Variants in RBFA observed in about 807,000 individuals in gnomAD.
RBFA encodes ribosome binding factor A, also known as putative ribosome-binding factor A, mitochondrial.
In RBFA, 16 loss-of-function variants were observed where a neutral mutation model predicts 27.9. The observed-to-expected ratio is 0.57, with a 90% confidence interval of 0.39 to 0.87. RBFA has a LOEUF of 0.87. Among genes scored for constraint, RBFA ranks in the 40% least tolerant of loss-of-function variants. RBFA has a pLI of 0.00. For missense variants in RBFA, 456 were observed against 432.1 expected, an observed-to-expected ratio of 1.06 and a Z score of -0.49; for synonymous variants, 181 against 181.0, an observed-to-expected ratio of 1.00 and a Z score of 0.00.
chr18:80,034,455 C>G lies in RBFA; in HGVS notation c.-41C>G, dbSNP rs768111346. 39 of 1,446,956 alleles carry G rather than the reference C, an allele frequency of 2.7e-5. No homozygotes were observed. Among genetic ancestry groups the G allele is most frequent in the African/African-American group, 4.5e-5 (3 of 66,748 alleles). 89.6% of individuals were successfully genotyped at this position (1,446,956 alleles called of 1,614,324 possible). Reference sequence around the variant, plus strand: ...CGTCAGTTGTCGCTCCGCGCCTGCGCCCGTTGTCTCCCTGCTCGCTCCGGG... The same window carrying G: ...CGTCAGTTGTCGCTCCGCGCCTGCGGCCGTTGTCTCCCTGCTCGCTCCGGG... On this transcript the variant is annotated 5_prime_UTR_variant, in exon 1 of 7. Coordinates refer to ENST00000306735, the MANE Select transcript of RBFA (RefSeq NM_024805.3).
chr18:80,036,637 C>T (rs377765019), intron 1 of RBFA, 31 bp from the exon 2 acceptor site: 3 of 1,582,746 alleles, frequency 1.9e-6, no homozygotes, highest in African/African-American at 2.7e-5. Flanking sequence ...ACTTTGCCAT[C>T]ACTAACATAA....
At position 80,048,661 on chromosome 18, in the gene RBFA, T is replaced by G. The variant is rs1015095655; in HGVS notation, c.*2506T>G. ...CTCCACGCCTGTGCCGGATGTGGTG[T>G]TGGCATCCATAGCAGTCTCGCAAAG... On this transcript the variant is annotated 3_prime_UTR_variant, in exon 7 of 7. Transcript: ENST00000306735. 1.3e-5 allele frequency among the ~76,000 whole-genome samples: 2 copies of G among 152,222 alleles called. No homozygotes were observed. The highest frequency in any genetic ancestry group is 2.9e-5 in the Non-Finnish European group (2 of 68,040).
intron 6 of RBFA, 83 bp downstream of exon 6, chr18:80,044,368 C>G (rs373007705): frequency 5.0e-6 from 6 of 1,205,332 alleles, no homozygotes; most frequent in Non-Finnish European, 4.9e-6. Flanking sequence ...AGCTGCCCAG[C>G]GCCACATCCC....
intron 3 of RBFA, among the ~76,000 whole-genome samples, chr18:80,037,814 A>G (rs540573994): frequency 2.3e-4 from 35 of 151,508 alleles, no homozygotes; most frequent in African/African-American, 7.0e-4. Context: ...GCTTGAACCC[A>G]GGAGGCGGAG....
rs1407155846 is a variant in RBFA, at chr18:80,047,533, A to G, written c.*1378A>G. 3 of 152,156 alleles carry G rather than the reference A, an allele frequency of 2.0e-5. No homozygotes were observed. Among genetic ancestry groups the G allele is most frequent in the Non-Finnish European group, 4.4e-5 (3 of 68,032 alleles). 9.4% of individuals were successfully genotyped at this position (152,156 alleles called of 1,614,324 possible). A position where few individuals can be genotyped will look rare whatever the true frequency, so the allele number is the denominator to read the frequency against. On this transcript the variant is annotated 3_prime_UTR_variant, in exon 7 of 7. Coordinates refer to ENST00000306735, the MANE Select transcript of RBFA (RefSeq NM_024805.3). ...TAAGTCATCAAATGGCAGAAGCAAG[A>G]TTTTTCTTTTGAGATCTAGGAAATT... is the stretch of plus-strand genomic sequence containing the variant.
At chr18:80,038,440 G>C in intron 3 of RBFA, 65 bp from the exon 4 acceptor site, 1 of 1,135,350 alleles carries the variant, frequency 8.8e-7, no homozygotes, top group Non-Finnish European at 1.3e-6. Context: ...TTCATCTCCT[G>C]GATGTTGTTT....
chr18:80,035,199 T>A (rs2051968783), intron 1 of RBFA: 1 of 153,240 alleles, frequency 6.5e-6, no homozygotes, highest in African/African-American at 2.4e-5. Context: ...GGCACCCAGC[T>A]CCCCCTGTGT....
chr18:80,047,983 T>C lies in RBFA; in HGVS notation c.*1828T>C, dbSNP rs571734181. 2 of 152,366 alleles carry C rather than the reference T, an allele frequency of 1.3e-5. No homozygotes were observed. The highest frequency in any genetic ancestry group is 3.9e-4 in the East Asian group (2 of 5,192). The allele number at this position is 152,366 out of a possible 1,614,324, so 9.4% of individuals were successfully genotyped here. On this transcript the variant is annotated 3_prime_UTR_variant, in exon 7 of 7. Coordinates refer to ENST00000306735, the MANE Select transcript of RBFA (RefSeq NM_024805.3). ...GCTGAGGTCAGGCCAAGGCCTTTTGTATCTGGTGTTACTGGAACATGGCTA... is the reference window on the plus strand; with the variant it reads ...GCTGAGGTCAGGCCAAGGCCTTTTGCATCTGGTGTTACTGGAACATGGCTA...
At position 80,046,107 on chromosome 18, in the gene RBFA, A is replaced by T. The variant is rs760282860; in HGVS notation, c.984A>T (p.Gly328=). Residue 328 remains glycine (G), a synonymous_variant, in exon 7 of 7, where the codon GGA becomes GGT. Coordinates refer to ENST00000306735, the MANE Select transcript of RBFA (RefSeq NM_024805.3). Reference sequence around the variant, plus strand: ...CAGAGGAGTTGGAGGCAGAGAGAGGAGGTGGCAGAACAGAGGATGGCCACA... The same window carrying T: ...CAGAGGAGTTGGAGGCAGAGAGAGGTGGTGGCAGAACAGAGGATGGCCACA... ...PDTEELEAER[G]GGRTEDGHSC... is the part of the protein sequence containing the mutation. 1.9e-6 allele frequency: 3 copies of T among 1,614,120 alleles called. No individual in the cohort carries two copies. The highest frequency in any genetic ancestry group is 1.7e-6 in the Non-Finnish European group (2 of 1,180,026).
In RBFA at chr18:80,050,378, T is replaced by TG. The variant is rs1460805563; in HGVS notation, c.*4224dup. ...TTAATTATCATGGGCACAGAGTAGG[T>TG]GTATATATTTGTGGGGTACATGAGA... On this transcript the variant is annotated 3_prime_UTR_variant, in exon 7 of 7. Coordinates refer to ENST00000306735, the MANE Select transcript of RBFA (RefSeq NM_024805.3). Among the ~76,000 whole-genome samples, 1 of 152,110 alleles carries TG rather than the reference T, an allele frequency of 6.6e-6. No homozygotes were observed.
rs1040933943 is a variant in RBFA at position 80,050,004 on chromosome 18, C to T, written c.*3849C>T. On this transcript the variant is annotated 3_prime_UTR_variant, in exon 7 of 7. Transcript: ENST00000306735. Reference sequence around the variant, plus strand: ...TATTATCTTTAGTACAGAATCTTTTCCTCTCTAAGGGCCTGAGACCCTCTC... The same window carrying T: ...TATTATCTTTAGTACAGAATCTTTTTCTCTCTAAGGGCCTGAGACCCTCTC... 2.0e-5 allele frequency among the ~76,000 whole-genome samples: 3 copies of T among 152,226 alleles called. No homozygotes were observed. The highest frequency in any genetic ancestry group is 2.9e-5 in the Non-Finnish European group (2 of 68,052).
In RBFA at chr18:80,048,650, C is replaced by T. The variant is rs373809332; in HGVS notation, c.*2495C>T. Among the ~76,000 whole-genome samples, 40 of 152,318 alleles carry T rather than the reference C, an allele frequency of 2.6e-4. No individual in the cohort carries two copies. The highest frequency in any genetic ancestry group is 3.4e-3 in the Middle Eastern group (1 of 294). On this transcript the variant is annotated 3_prime_UTR_variant, in exon 7 of 7. Transcript: ENST00000306735. Reference sequence around the variant, plus strand: ...GCTGCCCAGACCTCCACGCCTGTGCCGGATGTGGTGTTGGCATCCATAGCA... The same window carrying T: ...GCTGCCCAGACCTCCACGCCTGTGCTGGATGTGGTGTTGGCATCCATAGCA...
At chr18:80,036,970 G>A (rs1449184184) in intron 2 of RBFA, among the ~76,000 whole-genome samples, 2 of 152,200 alleles carry the variant, frequency 1.3e-5, no homozygotes, top group African/African-American at 2.4e-5. Context: ...TGTGTGTACT[G>A]TAAAAGTTTA....
chr18:80,044,754 CACAT>C (rs2052039352), intron 6 of RBFA, among the ~76,000 whole-genome samples: 3 of 152,356 alleles, frequency 2.0e-5, no homozygotes, highest in Admixed American at 2.0e-4. Flanking sequence ...CATGTACACA[CACAT>C]ACACATCTTT....
Position 80,044,249 on chromosome 18 carries a change from G to A in RBFA, c.614G>A (p.Arg205Gln), listed in dbSNP as rs750196990. Residue 205 changes from arginine (R) to glutamine (Q), a missense_variant, in exon 6 of 7, where the codon CGG (arginine) becomes CAG (glutamine). Physicochemically the swap from Arg to Gln is conservative, Grantham distance 43 (BLOSUM62 1). Transcript: ENST00000306735. ...QLLAVADFGP[R>Q]DERDNFVQND... ...CTGGCAGTCGCAGACTTTGGACCCC[G>A]GGATGAAAGAGACAACTTTGTACAA... 41 of 1,614,056 alleles carry A rather than the reference G, an allele frequency of 2.5e-5. No homozygotes were observed. The highest frequency in any genetic ancestry group is 3.2e-5 in the Non-Finnish European group (38 of 1,180,018).
rs1475203544 is a variant in RBFA, at chr18:80,038,485, G to A, written c.379-20G>A. ...ACCCATGTAAGCTAAAAAGTGACCTGTGGAGGGGCGGGGTCTCAGGTTTCC... is the reference window on the plus strand; with the variant it reads ...ACCCATGTAAGCTAAAAAGTGACCTATGGAGGGGCGGGGTCTCAGGTTTCC... On this transcript the variant is annotated intron_variant, in intron 3 of 6. Transcript: ENST00000306735. 6.4e-7 allele frequency: 1 copy of A among 1,558,320 alleles called. No homozygotes were observed. The highest frequency in any genetic ancestry group is 1.1e-5 in the South Asian group (1 of 88,326).
chr18:80,035,858 C>G (rs2051975203), intron 1 of RBFA: 1 of 152,204 alleles, frequency 6.6e-6, no homozygotes, highest in Admixed American at 6.5e-5. Flanking sequence ...TAGGAGCTCA[C>G]TAAGCTCCTA....
Position 80,045,954 on chromosome 18 carries a change from GGGAA to G in RBFA, c.837_840del (p.Lys280GlyfsTer88), listed in dbSNP as rs2052050325. The G allele has an allele frequency of 2.5e-6, 4 of 1,614,094 alleles. No individual in the cohort carries two copies. In the East Asian group the frequency reaches 8.9e-5, roughly 36 times the overall value. Reference sequence around the variant, plus strand: ...CTGAGCTGACAACGCAGATGAAAAAGGGAAGGAAGAGGGCCAAGCCCCGCCTGGA... The same window carrying G: ...CTGAGCTGACAACGCAGATGAAAAAGGGAAGAGGGCCAAGCCCCGCCTGGA... On this transcript the variant is annotated frameshift_variant, in exon 7 of 7. Transcript: ENST00000306735. LOFTEE classifies it low-confidence loss of function (END_TRUNC).
chr18:80,035,026 T>C (rs147309919), intron 1 of RBFA: 2,735 of 243,238 alleles, frequency 0.011, 31 homozygotes, highest in Non-Finnish European at 0.017. Flanking sequence ...GTTTTTAAAT[T>C]ATGAAAGATA....
Sources: gnomAD v4.1 joint callset for allele counts (sites outside exome capture counted in the v4.1 genomes callset) on GRCh38, gnomAD v4.1.1 for gene constraint, MANE v1.5 for transcripts, NCBI Gene and HGNC (gene_info 2026-07-23, HGNC 2026-07-21) for gene names.